The following MTMR7 variants were observed in gnomAD, a reference collection of about 807,000 sequenced individuals.
The protein encoded by MTMR7 is phosphatidylinositol-3-phosphate phosphatase MTMR7.
In MTMR7, 76 loss-of-function variants were observed where a neutral mutation model predicts 81.2. That is an observed-to-expected ratio of 0.94 (90% CI 0.78 to 1.13). The LOEUF is 1.13. MTMR7 is among the 50% of genes most tolerant of loss of function. MTMR7 has a pLI of 0.00. For missense variants in MTMR7, 1,044 were observed against 820.0 expected (o/e 1.27, Z -3.34); for synonymous variants, 372 against 289.8 (o/e 1.28, Z -2.88).
intron 1 of MTMR7, among the ~76,000 whole-genome samples, chr8:17,403,559 G>C (rs1376712610): frequency 6.6e-6 from 1 of 151,930 alleles, no homozygotes; most frequent in Non-Finnish European, 1.5e-5. Flanking sequence ...GGCTATTCTG[G>C]GTCTTTTGTT....
rs564794095 is a variant in MTMR7 at position 17,357,615 on chromosome 8, T to G, written c.468+3502A>C. On this transcript the variant is annotated intron_variant, in intron 4 of 13. Transcript: ENST00000180173. ...AAAATGATGTTATTTGAGAATATCC[T>G]GTACATCGTTTCACTCAAAGTCGCA... Among the ~76,000 whole-genome samples, 6 of 152,354 alleles carry G rather than the reference T, an allele frequency of 3.9e-5. No homozygotes were observed. The South Asian group carries it at 1.0e-3, about 26-fold the overall frequency.
At chr8:17,405,761 C>A (rs939531446) in intron 1 of MTMR7, among the ~76,000 whole-genome samples, 1 of 151,564 alleles carries the variant, frequency 6.6e-6, no homozygotes, top group African/African-American at 2.4e-5. Flanking sequence ...AAAAAAATCA[C>A]TTTTCAGAAG....
chr8:17,406,098 A>C (rs1821574596), intron 1 of MTMR7, among the ~76,000 whole-genome samples: 1 of 152,164 alleles, frequency 6.6e-6, no homozygotes, highest in African/African-American at 2.4e-5. Flanking sequence ...GCTTTCTAGA[A>C]AATATACATA....
intron 5 of MTMR7, among the ~76,000 whole-genome samples, chr8:17,343,829 G>T (rs1819475005): frequency 6.6e-6 from 1 of 152,150 alleles, no homozygotes; most frequent in African/African-American, 2.4e-5. Context: ...TCAATTGTGT[G>T]CAGAACAGTA....
chr8:17,411,376 C>G (rs184202087), intron 1 of MTMR7, among the ~76,000 whole-genome samples: 2 of 152,206 alleles, frequency 1.3e-5, no homozygotes, highest in South Asian at 4.1e-4. Context: ...TCTCTACCCA[C>G]TGCACCTTGC....
At chr8:17,319,359 G>T (rs1036503591) in intron 7 of MTMR7, among the ~76,000 whole-genome samples, 1 of 152,224 alleles carries the variant, frequency 6.6e-6, no homozygotes, top group Non-Finnish European at 1.5e-5. Context: ...GATACACATT[G>T]TATTATCTGT....
At chr8:17,389,900 C>A (rs1318842252) in intron 1 of MTMR7, among the ~76,000 whole-genome samples, 1 of 152,104 alleles carries the variant, frequency 6.6e-6, no homozygotes, top group Non-Finnish European at 1.5e-5. Context: ...TCACATTAAA[C>A]CGTTTCCTTT....
At position 17,413,171 on chromosome 8, in the gene MTMR7, T is replaced by A. The variant is rs538224566; in HGVS notation, c.24+98A>T. 1.3e-4 allele frequency: 184 copies of A among 1,373,984 alleles called. No individual in the cohort carries two copies. In the East Asian group the frequency reaches 3.4e-3, roughly 25 times the overall value. 85.1% of individuals were successfully genotyped at this position (1,373,984 alleles called of 1,614,324 possible). A position where few individuals can be genotyped will look rare whatever the true frequency, so the allele number is the denominator to read the frequency against. ...TCGCCCGCGGTCCAGGCTCCGCCGG[T>A]GCCCCTCAAAGCAGTCGGCCTCCCG... On this transcript the variant is annotated intron_variant, in intron 1 of 13. Transcript: ENST00000180173.
At chr8:17,385,272 C>A (rs1021670674) in intron 1 of MTMR7, among the ~76,000 whole-genome samples, 2 of 151,938 alleles carry the variant, frequency 1.3e-5, no homozygotes, top group African/African-American at 4.8e-5. Flanking sequence ...GGCTCGGCAC[C>A]ATCCCTCTTG....
chr8:17,351,015 C>T, intron 4 of MTMR7, among the ~76,000 whole-genome samples: 1 of 152,176 alleles, frequency 6.6e-6, no homozygotes, highest in East Asian at 1.9e-4. Context: ...CTCCCCCTTG[C>T]CAATCTGGTG....
intron 3 of MTMR7, among the ~76,000 whole-genome samples, chr8:17,368,329 G>T (rs1006777127): frequency 1.3e-5 from 2 of 152,148 alleles, no homozygotes; most frequent in African/African-American, 4.8e-5. Flanking sequence ...CCCAGGGGTT[G>T]GGGACCCCTG....
At position 17,391,955 on chromosome 8, in the gene MTMR7, C is replaced by T. The variant is rs545238146; in HGVS notation, c.25-18715G>A. On this transcript the variant is annotated intron_variant, in intron 1 of 13. Coordinates refer to ENST00000180173, the MANE Select transcript of MTMR7 (RefSeq NM_004686.5). The stretch of plus-strand genomic sequence containing the variant: ...CCAGAGGCTTCAACTAGCTGTCCAC[C>T]AGGGGAAAGGGCACTAGGAAAAATA... Among the ~76,000 whole-genome samples, 90 of 152,206 alleles carry T rather than the reference C, an allele frequency of 5.9e-4. 1 individual carries two copies. In the South Asian group the frequency reaches 6.0e-3, roughly 10 times the overall value.
chr8:17,365,808 T>C (rs1435257036), intron 3 of MTMR7, among the ~76,000 whole-genome samples: 1 of 152,230 alleles, frequency 6.6e-6, no homozygotes, highest in Non-Finnish European at 1.5e-5. Flanking sequence ...AGTCCAGCTT[T>C]AATGTTTTTC....
chr8:17,408,191 C>A (rs1028548580), intron 1 of MTMR7, among the ~76,000 whole-genome samples: 4 of 63,580 alleles, frequency 6.3e-5, no homozygotes, highest in African/African-American at 1.3e-4. Flanking sequence ...GAGATCGAGA[C>A]CATCCCGGCT....
chr8:17,396,332 C>G (rs983006939), intron 1 of MTMR7, among the ~76,000 whole-genome samples: 51 of 152,184 alleles, frequency 3.4e-4, no homozygotes, highest in African/African-American at 1.1e-3. Context: ...ACAAGGGTAA[C>G]AAAGACAGTC....
At chr8:17,302,065 A>G in intron 13 of MTMR7, 89 bp downstream of exon 13, 1 of 1,535,222 alleles carries the variant, frequency 6.5e-7, no homozygotes, top group African/African-American at 1.4e-5. Flanking sequence ...AAATATTTGT[A>G]TTGCACTGAA....
chr8:17,348,034 G>A (rs956212700), intron 5 of MTMR7, among the ~76,000 whole-genome samples: 1 of 152,068 alleles, frequency 6.6e-6, no homozygotes, highest in African/African-American at 2.4e-5. Flanking sequence ...AGTGGGGTGG[G>A]GCCAGGCTAC....
rs201909678 is a variant in MTMR7 at position 17,300,112 on chromosome 8, G to T, written c.1733C>A (p.Thr578Asn). The T allele has an allele frequency of 6.2e-7, 1 of 1,614,148 alleles. No individual in the cohort carries two copies. The highest frequency in any genetic ancestry group is 1.3e-5 in the African/African-American group (1 of 75,036). The change falls in exon 14 of 14, where the codon ACT becomes AAT. Residue 578 changes from threonine (T) to asparagine (N), a missense_variant. Coordinates refer to ENST00000180173, the MANE Select transcript of MTMR7 (RefSeq NM_004686.5). ...CATATTCCCACTGTAATCCTGGGGA[G>T]TGTTGGCTATGCTGTTGTCTGAGGT... The part of the protein sequence containing the change: ...FSTSDNSIAN[T>N]PQDYSGNMKS...
chr8:17,383,140 G>T (rs1344371298), intron 1 of MTMR7, among the ~76,000 whole-genome samples: 1 of 152,094 alleles, frequency 6.6e-6, no homozygotes, highest in East Asian at 1.9e-4. Context: ...AGGTTGGGAG[G>T]ATGGTTCTGG....
Sources: gnomAD v4.1 joint callset for allele counts (sites outside exome capture counted in the v4.1 genomes callset) on GRCh38, gnomAD v4.1.1 for gene constraint, MANE v1.5 for transcripts, NCBI Gene and HGNC (gene_info 2026-07-23, HGNC 2026-07-21) for gene names.